MC2R: variants seen among roughly 807,000 people sequenced by gnomAD.
The protein encoded by MC2R is adrenocorticotropic hormone receptor.
MC2R carries 9 observed loss-of-function variants against 9.8 expected under a neutral mutation model. The ratio of observed to expected loss-of-function variants is 0.92; its 90% CI spans 0.55 to 1.60. The LOEUF (loss-of-function observed/expected upper bound fraction) is 1.60, where lower values mean the gene tolerates loss of function less well. Among genes scored for constraint, MC2R ranks in the 40% most tolerant of loss-of-function variants. The pLI is 0.00. For missense variants in MC2R, 370 were observed against 389.0 expected, an observed-to-expected ratio of 0.95 and a Z score of 0.41; for synonymous variants, 185 against 154.7, an observed-to-expected ratio of 1.20 and a Z score of -1.45.
At chr18:13,887,663 C>T (rs573870588) in intron 1 of MC2R, among the ~76,000 whole-genome samples, 1 of 152,186 alleles carries the variant, frequency 6.6e-6, no homozygotes, top group Non-Finnish European at 1.5e-5. Flanking sequence ...GTCCAATCAG[C>T]AGAAAGCCTG....
At chr18:13,899,106 A>C (rs1332640948) in intron 1 of MC2R, among the ~76,000 whole-genome samples, 1 of 152,238 alleles carries the variant, frequency 6.6e-6, no homozygotes, top group African/African-American at 2.4e-5. Context: ...AACTCAAAGA[A>C]ATTCAAGACA....
chr18:13,897,444 G>A (rs2045352897), intron 1 of MC2R, among the ~76,000 whole-genome samples: 1 of 152,118 alleles, frequency 6.6e-6, no homozygotes. Flanking sequence ...TAGACCACAA[G>A]GACTGTAACT....
intron 1 of MC2R, among the ~76,000 whole-genome samples, chr18:13,915,111 C>T (rs1455395027): frequency 1.3e-5 from 2 of 152,202 alleles, no homozygotes; most frequent in Non-Finnish European, 2.9e-5. Flanking sequence ...TACACCTAGA[C>T]AAGCTGATCA....
Position 13,904,231 on chromosome 18 carries a change from C to A in MC2R, c.-129+11257G>T, listed in dbSNP as rs1011748670. 1.1e-4 allele frequency among the ~76,000 whole-genome samples: 14 copies of A among 122,418 alleles called. No homozygotes were observed. The East Asian group carries it at 3.0e-3, about 26-fold the overall frequency. The allele number at this position is 122,418 out of a possible 152,430, so 80.3% of individuals were successfully genotyped here. A position where few individuals can be genotyped will look rare whatever the true frequency, so the allele number is the denominator to read the frequency against. The stretch of plus-strand genomic sequence containing the variant: ...CTACTAAAAATACAAAAAAAAAAAA[C>A]TTAGGCAGGCGAGGTGGTGGGCACC... On this transcript the variant is annotated intron_variant, in intron 1 of 1. Coordinates refer to ENST00000327606, the MANE Select transcript of MC2R (RefSeq NM_000529.2).
chr18:13,903,759 T>C (rs9646476), intron 1 of MC2R, among the ~76,000 whole-genome samples: 73,850 of 151,948 alleles, frequency 0.49, 18,363 homozygotes, highest in Middle Eastern at 0.61. Context: ...ATTAATAATA[T>C]CTACTATTTG....
At chr18:13,888,093 C>T (rs1028672785) in intron 1 of MC2R, among the ~76,000 whole-genome samples, 2 of 147,086 alleles carry the variant, frequency 1.4e-5, no homozygotes, top group Admixed American at 1.4e-4. Context: ...ATTTCAGATG[C>T]ATTTGATGGT....
chr18:13,884,633 AC>A lies in MC2R; in HGVS notation c.885del (p.Arg295SerfsTer11), dbSNP rs1778661228. 4 of 1,612,582 alleles carry A rather than the reference AC, an allele frequency of 2.5e-6. No homozygotes were observed. The South Asian group carries it at 3.3e-5, about 13-fold the overall frequency. On this transcript the variant is annotated frameshift_variant, in exon 2 of 2. Transcript: ENST00000327606. LOFTEE classifies it high-confidence loss of function. Reference protein sequence around the residue: ...DAFKKMIFCSRYW With the variant: ...DAFKKMIFCSXYW ...ACCAGGGATCAGCCATTCTACCAGTACCTGCTGCAGAAGATCATCTTTTTGA... is the reference window on the plus strand; with the variant it reads ...ACCAGGGATCAGCCATTCTACCAGTACTGCTGCAGAAGATCATCTTTTTGA...
chr18:13,887,134 T>A (rs1046362521), intron 1 of MC2R, among the ~76,000 whole-genome samples: 4 of 151,190 alleles, frequency 2.6e-5, no homozygotes, highest in Non-Finnish European at 4.4e-5. Context: ...CGGGGAAGCC[T>A]GTGTGCTGTG....
chr18:13,897,766 C>T (rs1311974044), intron 1 of MC2R, among the ~76,000 whole-genome samples: 1 of 151,980 alleles, frequency 6.6e-6, no homozygotes, highest in African/African-American at 2.4e-5. Context: ...CTAGACACAC[C>T]CTGGGCCAGA....
At chr18:13,902,403 A>G (rs1381488237) in intron 1 of MC2R, among the ~76,000 whole-genome samples, 1 of 152,188 alleles carries the variant, frequency 6.6e-6, no homozygotes, top group Non-Finnish European at 1.5e-5. Context: ...AGCAAAAATA[A>G]CAGAACTGCA....
chr18:13,908,771 A>G (rs2045428438), intron 1 of MC2R, among the ~76,000 whole-genome samples: 2 of 150,742 alleles, frequency 1.3e-5, no homozygotes, highest in South Asian at 2.1e-4. Flanking sequence ...AGAAAAATCC[A>G]TGACATCAAA....
chr18:13,911,261 C>T (rs556930656), intron 1 of MC2R, among the ~76,000 whole-genome samples: 1 of 152,318 alleles, frequency 6.6e-6, no homozygotes, highest in South Asian at 2.1e-4. Context: ...CCTGCAGCCT[C>T]TCCTGGAGCT....
At chr18:13,891,073 G>T (rs940443397) in intron 1 of MC2R, among the ~76,000 whole-genome samples, 2 of 152,204 alleles carry the variant, frequency 1.3e-5, no homozygotes, top group Non-Finnish European at 2.9e-5. Context: ...TATTGGTGGG[G>T]GAGGGATTTG....
chr18:13,915,088 A>G (rs941764397), intron 1 of MC2R, among the ~76,000 whole-genome samples: 1 of 151,390 alleles, frequency 6.6e-6, no homozygotes, highest in Non-Finnish European at 1.5e-5. Flanking sequence ...TGGCGCTAAA[A>G]CCCCCGCACT....
At chr18:13,888,350 G>T (rs946700178) in intron 1 of MC2R, among the ~76,000 whole-genome samples, 13 of 152,186 alleles carry the variant, frequency 8.5e-5, no homozygotes, top group Admixed American at 2.0e-4. Flanking sequence ...GGGGGCTGCA[G>T]GTGGTGTGTG....
At chr18:13,914,650 A>G (rs1458161523) in intron 1 of MC2R, among the ~76,000 whole-genome samples, 2 of 152,052 alleles carry the variant, frequency 1.3e-5, no homozygotes, top group Admixed American at 1.3e-4. Flanking sequence ...ATGTGTGTAT[A>G]TGTGTGTGTA....
chr18:13,885,577 G>C lies in MC2R; in HGVS notation c.-59C>G. 1 of 1,575,968 alleles carries C rather than the reference G, an allele frequency of 6.3e-7. No homozygotes were observed. Among genetic ancestry groups the C allele is most frequent in the Non-Finnish European group, 8.7e-7 (1 of 1,147,404 alleles). On this transcript the variant is annotated 5_prime_UTR_variant, in exon 2 of 2. The change creates a new upstream start codon in the 5' untranslated region. Coordinates refer to ENST00000327606, the MANE Select transcript of MC2R (RefSeq NM_000529.2). ...TTGGACTTGACTTCACGGAAAACTT[G>C]ATTGATTCTTCAGGATCTTTTCTTC... is the stretch of plus-strand genomic sequence containing the variant.
At chr18:13,892,597 T>C (rs2045321744) in intron 1 of MC2R, among the ~76,000 whole-genome samples, 1 of 151,998 alleles carries the variant, frequency 6.6e-6, no homozygotes, top group South Asian at 2.1e-4. Flanking sequence ...GTAGAACAAT[T>C]TGAAGGACTT....
In MC2R at chr18:13,884,819, G is replaced by A; in HGVS notation, c.700C>T (p.Pro234Ser). Reference sequence around the variant, plus strand: ...ATCAAGAGGACATGAAGCACAAAGGGGGCCCAGCAGAAGATGAAGACCCCG... The same window carrying A: ...ATCAAGAGGACATGAAGCACAAAGGAGGCCCAGCAGAAGATGAAGACCCCG... ...LLGVFIFCWA[P>S]FVLHVLLMTF... The change falls in exon 2 of 2, where the codon CCC becomes TCC. Residue 234 changes from proline (P) to serine (S), a missense_variant. Physicochemically the swap from Pro to Ser is moderately conservative, Grantham distance 74 (BLOSUM62 -1). Coordinates refer to ENST00000327606, the MANE Select transcript of MC2R (RefSeq NM_000529.2). 6.2e-7 allele frequency: 1 copy of A among 1,614,024 alleles called. No individual in the cohort carries two copies. The highest frequency in any genetic ancestry group is 1.3e-5 in the African/African-American group (1 of 75,018).
Sources: gnomAD v4.1 joint callset for allele counts (sites outside exome capture counted in the v4.1 genomes callset) on GRCh38, gnomAD v4.1.1 for gene constraint, MANE v1.5 for transcripts, NCBI Gene and HGNC (gene_info 2026-07-23, HGNC 2026-07-21) for gene names.